Variants in ZC3H12B observed in about 807,000 individuals in gnomAD.
ZC3H12B encodes the protein zinc finger CCCH-type containing 12B, also known as probable ribonuclease ZC3H12B.
In ZC3H12B, 7 loss-of-function variants were observed where a neutral mutation model predicts 43.9. That is an observed-to-expected ratio of 0.16 (90% CI 0.09 to 0.30). ZC3H12B has a LOEUF of 0.30. ZC3H12B is among the 10% of genes least tolerant of loss of function. The pLI, the probability that ZC3H12B is intolerant of heterozygous loss-of-function variation, is 1.00. For synonymous variants in ZC3H12B, 222 were observed against 241.7 expected (o/e 0.92, Z 0.76); for missense variants, 475 against 670.2 (o/e 0.71, Z 3.22).
At chrX:65,055,760 T>C in the ZC3H12B span, among the ~76,000 whole-genome samples, 4 of 111,717 alleles carry the variant, frequency 3.6e-5, no homozygotes, top group Admixed American at 3.8e-4. Flanking sequence ...TGCCTCACTT[T>C]CAGAGCCTGT....
chrX:65,362,304 C>G (rs1040628814), upstream of ZC3H12B, among the ~76,000 whole-genome samples: 2 of 111,602 alleles, frequency 1.8e-5, no homozygotes, highest in African/African-American at 6.5e-5. Context: ...ACATTACCTT[C>G]TTTTCAAGGG....
At chrX:65,301,891 A>T in the ZC3H12B span, among the ~76,000 whole-genome samples, 2 of 111,711 alleles carry the variant, frequency 1.8e-5, no homozygotes, top group Non-Finnish European at 1.9e-5. Flanking sequence ...GTAACCTGTT[A>T]CATTATCAGA....
chrX:65,261,200 A>C, the ZC3H12B span, among the ~76,000 whole-genome samples: 2 of 111,817 alleles, frequency 1.8e-5, no homozygotes, highest in Admixed American at 9.5e-5. Context: ...TAAAAAATGT[A>C]TAGTAACAGA....
chrX:65,234,394 A>G, the ZC3H12B span, among the ~76,000 whole-genome samples: 1 of 111,787 alleles, frequency 8.9e-6, no homozygotes, highest in Non-Finnish European at 1.9e-5. Context: ...CAAACCCACA[A>G]CTAGTATCAT....
chrX:65,212,102 A>G, the ZC3H12B span, among the ~76,000 whole-genome samples: 1 of 59,654 alleles, frequency 1.7e-5, no homozygotes, highest in African/African-American at 7.0e-5. Context: ...TATATAGTAT[A>G]TATTGTATAA....
the ZC3H12B span, among the ~76,000 whole-genome samples, chrX:65,081,917 A>G: frequency 1.8e-5 from 2 of 112,222 alleles, no homozygotes; most frequent in Non-Finnish European, 3.8e-5. Flanking sequence ...AATAATATCA[A>G]ACATCTTCTG....
At chrX:65,274,849 C>T in the ZC3H12B span, among the ~76,000 whole-genome samples, 1 of 111,776 alleles carries the variant, frequency 8.9e-6, no homozygotes, top group Admixed American at 9.4e-5. Flanking sequence ...CATCCAATAA[C>T]CTATGTCCTG....
chrX:65,073,304 G>A, the ZC3H12B span, among the ~76,000 whole-genome samples: 5 of 112,581 alleles, frequency 4.4e-5, no homozygotes, highest in South Asian at 1.8e-3. Context: ...CTCGTAGGAA[G>A]CTGCAGTGGA....
At chrX:65,209,799 G>C in the ZC3H12B span, among the ~76,000 whole-genome samples, 48 of 101,745 alleles carry the variant, frequency 4.7e-4, no homozygotes, top group African/African-American at 1.6e-3. Context: ...ACAAACCTGA[G>C]AAAAACAAGC....
the ZC3H12B span, among the ~76,000 whole-genome samples, chrX:65,305,059 A>T: frequency 2.7e-5 from 3 of 112,325 alleles, no homozygotes; most frequent in Middle Eastern, 4.7e-3. Context: ...ACAATGATAA[A>T]TATTATTTCT....
the ZC3H12B span, among the ~76,000 whole-genome samples, chrX:65,070,427 A>G: frequency 3.7e-5 from 4 of 108,082 alleles, no homozygotes; most frequent in Non-Finnish European, 7.7e-5. Flanking sequence ...TTGTATCTCA[A>G]TCTCCTTTAT....
chrX:65,179,742 A>G, the ZC3H12B span, among the ~76,000 whole-genome samples: 2 of 112,206 alleles, frequency 1.8e-5, no homozygotes, highest in Admixed American at 9.5e-5. Flanking sequence ...GCGAATTGCT[A>G]CAAAGAAAAT....
chrX:65,458,084 T>G (rs967901603), intron 3 of ZC3H12B, among the ~76,000 whole-genome samples: 1 of 48,989 alleles, frequency 2.0e-5, no homozygotes. Flanking sequence ...AAAAAAAAAA[T>G]TAAAAAAAAA....
intron 3 of ZC3H12B, among the ~76,000 whole-genome samples, chrX:65,476,783 A>T (rs1473811316): frequency 9.2e-6 from 1 of 109,272 alleles, no homozygotes; most frequent in East Asian, 2.9e-4. Flanking sequence ...CCTGTTTTTC[A>T]TGGTTTTATC....
At chrX:65,503,495 T>C in exon 5 of ZC3H12B, 1 of 238,412 alleles carries the variant, frequency 4.2e-6, no homozygotes, top group South Asian at 1.3e-4. Context: ...CCCATGCCCC[T>C]TTGCACTGCA....
intron 3 of ZC3H12B, among the ~76,000 whole-genome samples, chrX:65,434,063 C>T (rs1370234790): frequency 9.0e-6 from 1 of 111,614 alleles, no homozygotes; most frequent in African/African-American, 3.3e-5. Context: ...CTCTGATATC[C>T]ATAATAGTAA....
Position 65,448,040 on chromosome X carries a change from G to A in ZC3H12B, n.408-40606G>A, listed in dbSNP as rs183825192. Among the ~76,000 whole-genome samples, 16 of 110,727 alleles carry A rather than the reference G, an allele frequency of 1.4e-4. 1 individual carries two copies. The East Asian group carries it at 4.6e-3, about 32-fold the overall frequency. On this transcript the variant is annotated intron_variant and non_coding_transcript_variant, in intron 3 of 5. Transcript: ENST00000617377. ...GAGGTCAGGAGATCGAGACCATCCCGGCTAACACAGTGAAACCCCGTCTCT... is the reference window on the plus strand; with the variant it reads ...GAGGTCAGGAGATCGAGACCATCCCAGCTAACACAGTGAAACCCCGTCTCT...
the ZC3H12B span, among the ~76,000 whole-genome samples, chrX:65,078,691 C>T: frequency 9.0e-6 from 1 of 110,971 alleles, no homozygotes; most frequent in Admixed American, 9.5e-5. Flanking sequence ...GGTATGGAGA[C>T]AAGGAGAATA....
At chrX:65,065,065 T>C in the ZC3H12B span, among the ~76,000 whole-genome samples, 1 of 111,006 alleles carries the variant, frequency 9.0e-6, no homozygotes. Context: ...TCCTGAATAC[T>C]GCACACTGAT....
Sources: allele counts gnomAD v4.1 joint callset (sites outside exome capture counted in the v4.1 genomes callset), GRCh38; gene constraint gnomAD v4.1.1; transcripts MANE v1.5; gene names NCBI Gene and HGNC (gene_info 2026-07-23, HGNC 2026-07-21).